The following SRD5A1 variants were observed in gnomAD, a reference collection of about 807,000 sequenced individuals.
SRD5A1 encodes steroid 5 alpha-reductase 1.
A neutral mutation model predicts 28.2 loss-of-function variants in SRD5A1; 22 were observed. The ratio of observed to expected loss-of-function variants is 0.78; its 90% CI spans 0.56 to 1.12. The LOEUF is 1.12. SRD5A1 is among the 50% of genes most tolerant of loss of function. SRD5A1 has a pLI of 0.00. For missense variants in SRD5A1, 300 were observed against 346.7 expected, an observed-to-expected ratio of 0.87 and a Z score of 1.07; for synonymous variants, 151 against 135.0, an observed-to-expected ratio of 1.12 and a Z score of -0.82.
At position 6,674,144 on chromosome 5, in the gene SRD5A1, T is replaced by C. The variant is rs1739440243; in HGVS notation, c.*5876T>C. 1 of 151,858 alleles carries C rather than the reference T, an allele frequency of 6.6e-6. No individual in the cohort carries two copies. Among genetic ancestry groups the C allele is most frequent in the South Asian group, 2.1e-4 (1 of 4,832 alleles). The allele number at this position is 151,858 out of a possible 1,614,324, so 9.4% of individuals were successfully genotyped here. On this transcript the variant is annotated 3_prime_UTR_variant, in exon 5 of 5. Transcript: ENST00000274192. ...TTAAAATGATTTATTTTACTTATTT[T>C]CATTATTATCTAAAATGTTATTTAA... is the stretch of plus-strand genomic sequence containing the variant.
intron 1 of SRD5A1, among the ~76,000 whole-genome samples, chr5:6,636,069 A>G (rs929272455): frequency 7.4e-6 from 1 of 135,586 alleles, no homozygotes; most frequent in South Asian, 2.3e-4. Flanking sequence ...TTTTTTTTAA[A>G]TTGCTAGGCT....
rs1319876620 is a variant in SRD5A1, at chr5:6,647,653, A to G, written c.294-4189A>G. Among the ~76,000 whole-genome samples, 3 of 152,068 alleles carry G rather than the reference A, an allele frequency of 2.0e-5. No individual in the cohort carries two copies. The East Asian group carries it at 5.8e-4, about 29-fold the overall frequency. On this transcript the variant is annotated intron_variant, in intron 1 of 4. Coordinates refer to ENST00000274192, the MANE Select transcript of SRD5A1 (RefSeq NM_001047.4). The stretch of plus-strand genomic sequence containing the variant: ...TCCTCTATCCCTTTATTTTGAGCCT[A>G]TGTGTGTCTTTGCACGTGAGATGGG...
intron 1 of SRD5A1, among the ~76,000 whole-genome samples, chr5:6,635,934 G>A (rs777118338): frequency 2.6e-5 from 4 of 152,180 alleles, no homozygotes; most frequent in African/African-American, 2.4e-5. Flanking sequence ...AGTAGAACAC[G>A]GAGGCACAGC....
At chr5:6,649,538 T>C (rs1738604692) in intron 1 of SRD5A1, among the ~76,000 whole-genome samples, 2 of 152,230 alleles carry the variant, frequency 1.3e-5, no homozygotes, top group Admixed American at 1.3e-4. Flanking sequence ...CTTAGCTTTC[T>C]GGGCTCCATC....
intron 1 of SRD5A1, among the ~76,000 whole-genome samples, chr5:6,642,841 CA>C (rs1738404236): frequency 6.6e-6 from 1 of 152,148 alleles, no homozygotes; most frequent in African/African-American, 2.4e-5. Context: ...TTATGTGGGA[CA>C]AATCGGCATA....
intron 1 of SRD5A1, among the ~76,000 whole-genome samples, chr5:6,638,028 T>G (rs1738247081): frequency 6.6e-6 from 1 of 152,134 alleles, no homozygotes; most frequent in Non-Finnish European, 1.5e-5. Flanking sequence ...AAAGATAAAC[T>G]CAGGTGCATT....
At chr5:6,651,771 T>A in intron 1 of SRD5A1, 71 bp from the exon 2 acceptor site, 1 of 1,423,288 alleles carries the variant, frequency 7.0e-7, no homozygotes, top group African/African-American at 1.4e-5. Flanking sequence ...ACCCAAATCA[T>A]TTAAGATAGG....
Position 6,670,293 on chromosome 5 carries a change from C to T in SRD5A1, c.*2025C>T, listed in dbSNP as rs1205820285. The stretch of plus-strand genomic sequence containing the variant: ...GCTGGTTACCTCCTGCCTCAAGCTG[C>T]AGGGAAGCCAGGGGGTGGCATGGCC... On this transcript the variant is annotated 3_prime_UTR_variant, in exon 5 of 5. Transcript: ENST00000274192. The T allele has an allele frequency of 6.6e-6, 1 of 152,230 alleles. No individual in the cohort carries two copies. Among genetic ancestry groups the T allele is most frequent in the African/African-American group, 2.4e-5 (1 of 41,458 alleles). 9.4% of individuals were successfully genotyped at this position (152,230 alleles called of 1,614,324 possible).
chr5:6,665,998 A>C (rs1193391936), intron 4 of SRD5A1, among the ~76,000 whole-genome samples: 1 of 152,192 alleles, frequency 6.6e-6, no homozygotes, highest in African/African-American at 2.4e-5. Flanking sequence ...AGTTTTGCAG[A>C]AGTATGTTCA....
intron 1 of SRD5A1, among the ~76,000 whole-genome samples, chr5:6,646,323 A>G (rs1294927974): frequency 6.6e-6 from 1 of 152,162 alleles, no homozygotes; most frequent in Non-Finnish European, 1.5e-5. Flanking sequence ...ATGTGTCTTT[A>G]TGGTAGAATG....
chr5:6,642,093 A>AT (rs1189647130), intron 1 of SRD5A1, among the ~76,000 whole-genome samples: 1 of 152,224 alleles, frequency 6.6e-6, no homozygotes, highest in Non-Finnish European at 1.5e-5. Flanking sequence ...ATCTTAGTGC[A>AT]TTTTTTGTAA....
intron 4 of SRD5A1, among the ~76,000 whole-genome samples, chr5:6,663,729 G>A (rs748382579): frequency 2.0e-5 from 3 of 152,064 alleles, no homozygotes; most frequent in East Asian, 1.9e-4. Flanking sequence ...GCGTGGTGGC[G>A]GGCGCCTGTA....
chr5:6,653,783 G>T (rs190484192), intron 2 of SRD5A1, among the ~76,000 whole-genome samples: 4 of 152,162 alleles, frequency 2.6e-5, no homozygotes, highest in Non-Finnish European at 5.9e-5. Context: ...AAGTAGCTCC[G>T]CAGATGGTTC....
chr5:6,659,776 C>T (rs1738950346), intron 3 of SRD5A1, among the ~76,000 whole-genome samples: 1 of 152,160 alleles, frequency 6.6e-6, no homozygotes, highest in South Asian at 2.1e-4. Flanking sequence ...AAAATATTAT[C>T]CTAGCTTTGG....
At chr5:6,648,397 C>T (rs372478571) in intron 1 of SRD5A1, among the ~76,000 whole-genome samples, 45 of 152,298 alleles carry the variant, frequency 3.0e-4, no homozygotes, top group African/African-American at 3.4e-4. Context: ...CCATTCTCCC[C>T]GTCACTTTCA....
chr5:6,640,419 T>G (rs373148821), intron 1 of SRD5A1, among the ~76,000 whole-genome samples: 3 of 152,308 alleles, frequency 2.0e-5, no homozygotes, highest in East Asian at 3.9e-4. Flanking sequence ...ATTAATACTC[T>G]CAGTTCAGCT....
intron 1 of SRD5A1, 133 bp from the exon 2 acceptor site, chr5:6,651,704 ATAAAT>A (rs1244382049): frequency 3.7e-6 from 3 of 809,200 alleles, no homozygotes; most frequent in Non-Finnish European, 5.6e-6. Flanking sequence ...CTTAGATATA[ATAAAT>A]TAGTATAAAT....
intron 2 of SRD5A1, among the ~76,000 whole-genome samples, chr5:6,654,434 T>TTTTTG (rs1554001872): frequency 6.6e-6 from 1 of 151,338 alleles, no homozygotes; most frequent in Non-Finnish European, 1.5e-5. Context: ...TAAGTTTTTT[T>TTTTTG]TTTGTTTGTT....
In SRD5A1 at chr5:6,633,822, G is replaced by T. The variant is rs996724712; in HGVS notation, c.246G>T (p.Ala82=). The T allele has an allele frequency of 2.5e-6, 4 of 1,597,850 alleles. No homozygotes were observed. The highest frequency in any genetic ancestry group is 3.4e-6 in the Non-Finnish European group (4 of 1,179,656). ...AGTCCGCCCCGCGTCTCCGCAGCGC[G>T]CCCAACTGCATCCTCCTGGCCATGT... is the stretch of plus-strand genomic sequence containing the variant. ...ASESAPRLRS[A]PNCILLAMFL... The change falls in exon 1 of 5, where the codon GCG becomes GCT. Residue 82 remains alanine, a synonymous_variant. Coordinates refer to ENST00000274192, the MANE Select transcript of SRD5A1 (RefSeq NM_001047.4).
Sources: gnomAD v4.1 joint callset for allele counts (sites outside exome capture counted in the v4.1 genomes callset) on GRCh38, gnomAD v4.1.1 for gene constraint, MANE v1.5 for transcripts, NCBI Gene and HGNC (gene_info 2026-07-23, HGNC 2026-07-21) for gene names.